GRM1: variants seen among roughly 807,000 people sequenced by gnomAD.
GRM1 encodes glutamate metabotropic receptor 1, also known as metabotropic glutamate receptor 1.
GRM1 carries 33 observed loss-of-function variants against 90.9 expected under a neutral mutation model. That is an observed-to-expected ratio of 0.36 (90% CI 0.28 to 0.49). The LOEUF is 0.49. GRM1 is among the 20% of genes least tolerant of loss of function. GRM1 has a pLI of 0.99. For synonymous variants in GRM1, 700 were observed against 613.2 expected, an observed-to-expected ratio of 1.14 and a Z score of -2.09; for missense variants, 1,190 against 1,534.3, an observed-to-expected ratio of 0.78 and a Z score of 3.75.
chr6:146,037,089 A>G (rs979130814), intron 1 of GRM1, among the ~76,000 whole-genome samples: 13 of 151,996 alleles, frequency 8.6e-5, no homozygotes, highest in African/African-American at 2.9e-4. Flanking sequence ...TAAAATGGGA[A>G]TTATAATCAC....
intron 2 of GRM1, among the ~76,000 whole-genome samples, chr6:146,174,054 C>T (rs1043346604): frequency 1.2e-4 from 19 of 152,092 alleles, no homozygotes; most frequent in African/African-American, 3.9e-4. Context: ...TGATATCTGA[C>T]ATCTTATCTC....
chr6:146,160,826 C>T (rs544209207), intron 2 of GRM1, among the ~76,000 whole-genome samples: 109 of 152,154 alleles, frequency 7.2e-4, no homozygotes, highest in Non-Finnish European at 1.3e-3. Flanking sequence ...ACTCTCCAAG[C>T]ATGAGGAGGT....
intron 5 of GRM1, among the ~76,000 whole-genome samples, chr6:146,385,319 T>A (rs924330777): frequency 2.0e-5 from 3 of 151,886 alleles, no homozygotes; most frequent in Non-Finnish European, 4.4e-5. Flanking sequence ...AAGAAAGAAG[T>A]AACATCTTCA....
At chr6:146,398,681 G>T in intron 6 of GRM1, 88 bp from the exon 7 acceptor site, 1 of 894,186 alleles carries the variant, frequency 1.1e-6, no homozygotes, top group Non-Finnish European at 1.9e-6. Flanking sequence ...AGGATGCAAA[G>T]ATGACTGTGT....
intron 1 of GRM1, among the ~76,000 whole-genome samples, chr6:146,123,190 T>C (rs531705899): frequency 1.3e-5 from 2 of 152,256 alleles, no homozygotes; most frequent in African/African-American, 4.8e-5. Context: ...AGCTCCTTGG[T>C]TTGGTCTAAC....
intron 2 of GRM1, among the ~76,000 whole-genome samples, chr6:146,231,612 C>T (rs184381350): frequency 6.6e-6 from 1 of 152,194 alleles, no homozygotes; most frequent in East Asian, 1.9e-4. Flanking sequence ...ATATCAGGTT[C>T]AGGAAGTTAT....
chr6:146,139,252 G>C (rs1479341617), intron 1 of GRM1, among the ~76,000 whole-genome samples: 1 of 152,092 alleles, frequency 6.6e-6, no homozygotes, highest in Non-Finnish European at 1.5e-5. Context: ...CTATCCTTGA[G>C]AATTATCCAT....
chr6:146,048,844 C>A (rs1208353224), intron 1 of GRM1, among the ~76,000 whole-genome samples: 2 of 152,016 alleles, frequency 1.3e-5, no homozygotes, highest in African/African-American at 4.8e-5. Flanking sequence ...GGGACAGACT[C>A]TCCCTCACAT....
chr6:146,387,008 A>T lies in GRM1; in HGVS notation c.1721A>T (p.Asp574Val), dbSNP rs754294966. Residue 574 changes from aspartate (D) to valine (V), a missense_variant, in exon 6 of 8, where the codon GAT (aspartate) becomes GTT (valine). By Grantham distance (152) the Asp-to-Val change is radical. Transcript: ENST00000282753. ...GACTTGGGATGGTGGCCCAATGCAG[A>T]TCTAACAGGTAGGAACTGCCTCACT... ...ACDLGWWPNA[D>V]LTGCEPIPVR... is the part of the protein sequence containing the mutation. 2 of 1,612,894 alleles carry T rather than the reference A, an allele frequency of 1.2e-6. No individual in the cohort carries two copies. The highest frequency in any genetic ancestry group is 1.7e-5 in the Admixed American group (1 of 59,948).
At chr6:146,185,248 C>T (rs561906844) in intron 2 of GRM1, among the ~76,000 whole-genome samples, 3 of 152,246 alleles carry the variant, frequency 2.0e-5, no homozygotes, top group African/African-American at 4.8e-5. Flanking sequence ...GTCCAATATA[C>T]GCTGACCAAA....
chr6:146,153,292 G>A (rs1044430580), intron 1 of GRM1, among the ~76,000 whole-genome samples: 4 of 152,314 alleles, frequency 2.6e-5, no homozygotes, highest in East Asian at 1.9e-4. Context: ...AGCTCAATGG[G>A]AGGTGGTTTC....
chr6:146,179,978 CA>C (rs774168978), intron 2 of GRM1, among the ~76,000 whole-genome samples: 12 of 151,814 alleles, frequency 7.9e-5, no homozygotes, highest in Admixed American at 6.6e-5. Flanking sequence ...TTTGTCTCCA[CA>C]AAAAAATGTA....
chr6:146,050,129 G>A (rs959192381), intron 1 of GRM1, among the ~76,000 whole-genome samples: 2 of 151,978 alleles, frequency 1.3e-5, no homozygotes, highest in Admixed American at 6.6e-5. Context: ...GTATTACCAT[G>A]AGTGAGGGCA....
At chr6:146,179,436 A>C (rs1562512398) in intron 2 of GRM1, among the ~76,000 whole-genome samples, 1 of 152,194 alleles carries the variant, frequency 6.6e-6, no homozygotes, top group Non-Finnish European at 1.5e-5. Context: ...TATGAGAGAA[A>C]ATTAAAGGAC....
intron 7 of GRM1, among the ~76,000 whole-genome samples, chr6:146,410,679 G>T (rs1019763087): frequency 9.2e-5 from 14 of 152,096 alleles, no homozygotes; most frequent in African/African-American, 3.4e-4. Flanking sequence ...GACCAAGAAG[G>T]AGATTAAGAA....
chr6:146,357,852 CAA>C (rs920632383), intron 5 of GRM1, among the ~76,000 whole-genome samples, 158 bp downstream of exon 5: 2 of 152,090 alleles, frequency 1.3e-5, no homozygotes, highest in Non-Finnish European at 2.9e-5. Flanking sequence ...ACTGAAAAGA[CAA>C]AGATTAGGAA....
chr6:146,223,554 G>C (rs1487114419), intron 2 of GRM1, among the ~76,000 whole-genome samples: 1 of 152,000 alleles, frequency 6.6e-6, no homozygotes, highest in Admixed American at 6.6e-5. Flanking sequence ...ATGCCAAAAG[G>C]AGGAAACAAT....
chr6:146,236,813 C>T (rs921461814), intron 2 of GRM1, among the ~76,000 whole-genome samples: 2 of 152,110 alleles, frequency 1.3e-5, no homozygotes, highest in Non-Finnish European at 2.9e-5. Flanking sequence ...TGCAGGGCTG[C>T]TGTTCTGTTC....
chr6:146,048,772 G>A (rs1791423423), intron 1 of GRM1, among the ~76,000 whole-genome samples: 1 of 151,980 alleles, frequency 6.6e-6, no homozygotes. Context: ...TTGGGGTGAT[G>A]CATCTGCAAG....
Sources: allele counts gnomAD v4.1 joint callset (sites outside exome capture counted in the v4.1 genomes callset), GRCh38; gene constraint gnomAD v4.1.1; transcripts MANE v1.5; gene names NCBI Gene and HGNC (gene_info 2026-07-23, HGNC 2026-07-21).